CHRDL1: variants seen among roughly 807,000 people sequenced by gnomAD.
CHRDL1 encodes chordin-like protein 1.
Under a neutral mutation model 40.9 loss-of-function variants are expected in CHRDL1, and 19 were observed. The observed-to-expected ratio is 0.46, with a 90% CI of 0.32 to 0.68. The LOEUF is 0.68. Among genes scored for constraint, CHRDL1 ranks in the 30% least tolerant of loss-of-function variants. The probability of loss-of-function intolerance (pLI) is 0.03; values close to 1 mark genes in which losing one functional copy is unlikely to be tolerated. For missense variants in CHRDL1, 329 were observed against 352.1 expected (o/e 0.93, Z 0.53); for synonymous variants, 136 against 123.4 (o/e 1.10, Z -0.68).
At chrX:110,705,784 T>C (rs3005574) in intron 6 of CHRDL1, among the ~76,000 whole-genome samples, 8,372 of 108,083 alleles carry the variant, frequency 0.077, 806 homozygotes, top group African/African-American at 0.27. Context: ...CACACATATA[T>C]GTATATATAC....
At chrX:110,701,193 C>T (rs2070506441) in intron 6 of CHRDL1, among the ~76,000 whole-genome samples, 1 of 111,395 alleles carries the variant, frequency 9.0e-6, no homozygotes. Flanking sequence ...TTATCATTAT[C>T]TTCTAAAGTA....
chrX:110,792,115 C>G lies in CHRDL1; in HGVS notation c.67G>C (p.Glu23Gln). 1 of 1,198,872 alleles carries G rather than the reference C, an allele frequency of 8.3e-7. No individual in the cohort carries two copies. Among genetic ancestry groups the G allele is most frequent in the Non-Finnish European group, 1.1e-6 (1 of 885,890 alleles). The change falls in exon 2 of 12, where the codon GAA (glutamate) becomes CAA (glutamine). Residue 23 changes from glutamate (E) to glutamine (Q), a missense_variant. Glu to Gln is a conservative substitution (Grantham distance 29, BLOSUM62 2). Coordinates refer to ENST00000372042, the MANE Select transcript of CHRDL1 (RefSeq NM_001143981.2). ...TTTACTTGCTCTGTTTTGCCTCCTTCTAGCAAAAGAAAGAACAACAACGAA... is the reference window on the plus strand; with the variant it reads ...TTTACTTGCTCTGTTTTGCCTCCTTGTAGCAAAAGAAAGAACAACAACGAA... ...IFSLLFFLLLEGGKTEQVKHS... is the reference protein window; with the variant it reads ...IFSLLFFLLLQGGKTEQVKHS...
chrX:110,722,276 C>A (rs2070974055), intron 4 of CHRDL1, among the ~76,000 whole-genome samples: 1 of 111,367 alleles, frequency 9.0e-6, no homozygotes, highest in South Asian at 3.9e-4. Context: ...GGATTACAGG[C>A]GTGAGCCATG....
chrX:110,781,913 G>C (rs781741860), intron 2 of CHRDL1, among the ~76,000 whole-genome samples: 22 of 112,018 alleles, frequency 2.0e-4, no homozygotes, highest in African/African-American at 6.5e-4. Flanking sequence ...CAGTATATGT[G>C]AGTTCACCAT....
chrX:110,695,023 G>C (rs900294200), intron 7 of CHRDL1, among the ~76,000 whole-genome samples: 2 of 110,920 alleles, frequency 1.8e-5, no homozygotes, highest in Admixed American at 9.6e-5. Context: ...AGAAGGCTTT[G>C]AGGGATTTTT....
intron 4 of CHRDL1, among the ~76,000 whole-genome samples, chrX:110,735,290 T>C (rs771636965): frequency 1.3e-4 from 15 of 112,125 alleles, no homozygotes; most frequent in African/African-American, 4.5e-4. Flanking sequence ...CCTTTCAATA[T>C]GTTAAAAGGA....
chrX:110,690,912 A>G (rs2070261908), intron 8 of CHRDL1, among the ~76,000 whole-genome samples: 1 of 111,232 alleles, frequency 9.0e-6, no homozygotes, highest in African/African-American at 3.3e-5. Context: ...GAAGGACCTT[A>G]AAAGAGCAAG....
At chrX:110,695,901 G>T (rs1352585065) in intron 7 of CHRDL1, among the ~76,000 whole-genome samples, 2 of 112,144 alleles carry the variant, frequency 1.8e-5, no homozygotes, top group East Asian at 2.8e-4. Context: ...GCCTATGTTG[G>T]TGCATTGCTA....
At chrX:110,785,706 G>A (rs1251264974) in intron 2 of CHRDL1, among the ~76,000 whole-genome samples, 1 of 111,671 alleles carries the variant, frequency 9.0e-6, no homozygotes, top group Non-Finnish European at 1.9e-5. Context: ...ATCCATACAC[G>A]TTGTGATTAC....
intron 2 of CHRDL1, among the ~76,000 whole-genome samples, chrX:110,791,695 T>C (rs1378020137): frequency 1.1e-4 from 12 of 112,398 alleles, no homozygotes; most frequent in Non-Finnish European, 1.9e-4. Context: ...TTTTTTTCTT[T>C]TCTGTGTCAT....
At chrX:110,748,263 T>G (rs780286486) in intron 4 of CHRDL1, among the ~76,000 whole-genome samples, 1 of 112,092 alleles carries the variant, frequency 8.9e-6, no homozygotes, top group South Asian at 3.7e-4. Context: ...AGACACAATT[T>G]CCCTCAGAAA....
chrX:110,744,525 G>A (rs2071416017), intron 4 of CHRDL1, among the ~76,000 whole-genome samples: 2 of 111,405 alleles, frequency 1.8e-5, no homozygotes, highest in Admixed American at 1.9e-4. Context: ...ACAGGTCCAC[G>A]TCATTTGTAA....
intron 7 of CHRDL1, among the ~76,000 whole-genome samples, chrX:110,697,976 C>T (rs2070435149): frequency 9.0e-6 from 1 of 110,796 alleles, no homozygotes; most frequent in East Asian, 2.8e-4. Flanking sequence ...ACAAAGGAGT[C>T]ATATTTGAAC....
chrX:110,781,168 C>T (rs1051479145), intron 2 of CHRDL1, among the ~76,000 whole-genome samples: 1 of 111,415 alleles, frequency 9.0e-6, no homozygotes, highest in Non-Finnish European at 1.9e-5. Context: ...TCTTTCTCTA[C>T]CATTTCGGTG....
intron 2 of CHRDL1, among the ~76,000 whole-genome samples, chrX:110,781,174 C>T (rs768426750): frequency 1.6e-4 from 18 of 111,324 alleles, no homozygotes; most frequent in Non-Finnish European, 3.2e-4. Flanking sequence ...TCTACCATTT[C>T]GGTGGGATGA....
intron 2 of CHRDL1, among the ~76,000 whole-genome samples, chrX:110,784,378 T>C (rs972672995): frequency 2.7e-5 from 3 of 112,005 alleles, no homozygotes; most frequent in Non-Finnish European, 3.8e-5. Context: ...ATTAGCTTTT[T>C]CCTACTTGCT....
intron 4 of CHRDL1, among the ~76,000 whole-genome samples, chrX:110,727,313 T>C (rs1212239395): frequency 6.3e-5 from 7 of 111,665 alleles, no homozygotes; most frequent in Non-Finnish European, 1.1e-4. Context: ...TTGAGGGATG[T>C]GAAAAAAAAA....
rs139479571 is a variant in CHRDL1, at chrX:110,694,143, A to T, written c.778+20T>A. On this transcript the variant is annotated intron_variant, in intron 8 of 11. Coordinates refer to ENST00000372042, the MANE Select transcript of CHRDL1 (RefSeq NM_001143981.2). The stretch of plus-strand genomic sequence containing the variant: ...CTGAAGCCTTGTTGTGGAAGTATAC[A>T]AAAGAAGGATGCCCCTTACCTTGTC... 546 of 1,182,234 alleles carry T rather than the reference A, an allele frequency of 4.6e-4. 1 individual carries two copies. In the African/African-American group the frequency reaches 8.9e-3, roughly 19 times the overall value.
chrX:110,755,801 G>A (rs932986745), intron 4 of CHRDL1, among the ~76,000 whole-genome samples: 24 of 111,916 alleles, frequency 2.1e-4, no homozygotes, highest in Admixed American at 1.9e-3. Context: ...CTGTGGCCCT[G>A]AAGGCATGAG....
Sources: gnomAD v4.1 joint callset for allele counts (sites outside exome capture counted in the v4.1 genomes callset) on GRCh38, gnomAD v4.1.1 for gene constraint, MANE v1.5 for transcripts, NCBI Gene and HGNC (gene_info 2026-07-23, HGNC 2026-07-21) for gene names.